Variants in MYH11 observed in about 807,000 individuals in gnomAD.
MYH11 encodes the protein myosin heavy chain 11.
Under a neutral mutation model 246.6 loss-of-function variants are expected in MYH11, and 80 were observed. The observed-to-expected ratio is 0.32, with a 90% CI of 0.27 to 0.39. The LOEUF is 0.39. MYH11 is among the 10% of genes least tolerant of loss of function. The pLI is 1.00. For missense variants in MYH11, 2,158 were observed against 2,546.8 expected (o/e 0.85, Z 3.29); for synonymous variants, 1,071 against 1,015.5 (o/e 1.05, Z -1.04).
intron 31 of MYH11, among the ~76,000 whole-genome samples, chr16:15,722,728 C>T (rs994987798): frequency 6.6e-6 from 1 of 152,134 alleles, no homozygotes; most frequent in Non-Finnish European, 1.5e-5. Flanking sequence ...CATTTAGCCT[C>T]ACTGTACAAT....
At chr16:15,753,356 T>A (rs1423130966) in intron 15 of MYH11, 38 bp downstream of exon 15, 2 of 1,584,416 alleles carry the variant, frequency 1.3e-6, no homozygotes, top group Admixed American at 3.3e-5. Context: ...ATTCTCCAGC[T>A]CAAAGCAGAA....
At chr16:15,753,557 A>G in intron 14 of MYH11, 49 bp from the exon 15 acceptor site, 2 of 1,472,262 alleles carry the variant, frequency 1.4e-6, no homozygotes, top group South Asian at 2.3e-5. Context: ...CTAGAAACTT[A>G]GAAACCAAGG....
chr16:15,839,785 C>G (rs1046452438), intron 1 of MYH11, among the ~76,000 whole-genome samples: 1 of 151,944 alleles, frequency 6.6e-6, no homozygotes, highest in African/African-American at 2.4e-5. Flanking sequence ...CACGGTGGCT[C>G]ACACCTGTAA....
chr16:15,781,281 T>A (rs1174299534), intron 6 of MYH11, among the ~76,000 whole-genome samples: 1 of 152,254 alleles, frequency 6.6e-6, no homozygotes, highest in East Asian at 1.9e-4. Flanking sequence ...TATGCTGATG[T>A]GTATTCATCT....
At chr16:15,731,890 A>C (rs1204741952) in intron 27 of MYH11, among the ~76,000 whole-genome samples, 2 of 151,862 alleles carry the variant, frequency 1.3e-5, no homozygotes, top group Non-Finnish European at 2.9e-5. Context: ...CCAGGCTCAA[A>C]CGATCCTCCC....
chr16:15,856,785 AG>A (rs2044483456), intron 1 of MYH11, among the ~76,000 whole-genome samples, 155 bp downstream of exon 1: 2 of 152,104 alleles, frequency 1.3e-5, no homozygotes, highest in African/African-American at 4.8e-5. Flanking sequence ...GATAAGGCAG[AG>A]AGAGATCCAA....
chr16:15,743,045 C>T (rs145111859), intron 20 of MYH11, among the ~76,000 whole-genome samples: 8 of 148,924 alleles, frequency 5.4e-5, no homozygotes, highest in Non-Finnish European at 7.4e-5. Context: ...CCAAAGCCAT[C>T]ATTTTAATAG....
intron 19 of MYH11, among the ~76,000 whole-genome samples, chr16:15,746,343 A>C (rs1347447593): frequency 6.6e-6 from 1 of 152,166 alleles, no homozygotes; most frequent in Non-Finnish European, 1.5e-5. Context: ...CAGTGAACGT[A>C]ATTCTGTCTT....
intron 1 of MYH11, among the ~76,000 whole-genome samples, chr16:15,852,657 T>G (rs575639842): frequency 6.6e-6 from 1 of 152,246 alleles, no homozygotes; most frequent in South Asian, 2.1e-4. Context: ...CTTTAGCCAG[T>G]CATTTGCAAT....
intron 2 of MYH11, among the ~76,000 whole-genome samples, chr16:15,835,135 T>G (rs1386387583): frequency 1.3e-5 from 2 of 151,282 alleles, no homozygotes; most frequent in Non-Finnish European, 2.9e-5. Context: ...ACCATTTGGC[T>G]CTTTAAAAAG....
At chr16:15,716,127 C>A (rs981706341) in intron 38 of MYH11, among the ~76,000 whole-genome samples, 1 of 151,958 alleles carries the variant, frequency 6.6e-6, no homozygotes, top group African/African-American at 2.4e-5. Context: ...AAAAGTCTTG[C>A]TATGCTGCCC....
At chr16:15,710,443 C>T (rs2039715122) in intron 40 of MYH11, among the ~76,000 whole-genome samples, 1 of 152,160 alleles carries the variant, frequency 6.6e-6, no homozygotes, top group Admixed American at 6.5e-5. Context: ...ATCGCTTGAA[C>T]CTGGGAGGCA....
At position 15,817,354 on chromosome 16, in the gene MYH11, T is replaced by G. The variant is rs573983318; in HGVS notation, c.502+5901A>C. On this transcript the variant is annotated intron_variant, in intron 3 of 40. Coordinates refer to ENST00000300036, the MANE Select transcript of MYH11 (RefSeq NM_002474.3). Reference sequence around the variant, plus strand: ...TAAAAATACAAAAATTAGCCAGGCATGGTGGTGTGTGCCTGTAGTCCCAGC... The same window carrying G: ...TAAAAATACAAAAATTAGCCAGGCAGGGTGGTGTGTGCCTGTAGTCCCAGC... Among the ~76,000 whole-genome samples the G allele has an allele frequency of 4.3e-4, 66 of 152,022 alleles. 1 individual carries two copies. In the South Asian group the frequency reaches 0.014, roughly 31 times the overall value.
intron 2 of MYH11, among the ~76,000 whole-genome samples, chr16:15,829,933 G>A (rs764299919): frequency 9.2e-5 from 14 of 152,104 alleles, no homozygotes; most frequent in Non-Finnish European, 1.9e-4. Flanking sequence ...TCAAGAGTTC[G>A]AGACCAGCCC....
chr16:15,795,795 C>T (rs1318042147), intron 4 of MYH11, among the ~76,000 whole-genome samples: 1 of 152,178 alleles, frequency 6.6e-6, no homozygotes, highest in Non-Finnish European at 1.5e-5. Flanking sequence ...CTTCCAACAA[C>T]CCAATGGGGT....
In MYH11 at chr16:15,703,904, T is replaced by G; in HGVS notation, c.*87A>C. 1 of 1,582,646 alleles carries G rather than the reference T, an allele frequency of 6.3e-7. No individual in the cohort carries two copies. The highest frequency in any genetic ancestry group is 8.7e-7 in the Non-Finnish European group (1 of 1,153,684). Reference sequence around the variant, plus strand: ...CTAAGTACAGTCTGCTGGGTTTTGCTTTGTTCTGGGTTGTTGTTGGGTTTT... The same window carrying G: ...CTAAGTACAGTCTGCTGGGTTTTGCGTTGTTCTGGGTTGTTGTTGGGTTTT... On this transcript the variant is annotated 3_prime_UTR_variant, in exon 41 of 41. Coordinates refer to ENST00000300036, the MANE Select transcript of MYH11 (RefSeq NM_002474.3).
rs1375279466 is a variant in MYH11 at position 15,724,910 on chromosome 16, C to G, written c.3941G>C (p.Ser1314Thr). The G allele has an allele frequency of 6.2e-7, 1 of 1,614,058 alleles. No homozygotes were observed. Among genetic ancestry groups the G allele is most frequent in the Non-Finnish European group, 8.5e-7 (1 of 1,180,050 alleles). The change falls in exon 29 of 41, where the codon AGT (serine) becomes ACT (threonine). Residue 1314 changes from serine (S) to threonine (T), a missense_variant. Physicochemically the swap from Ser to Thr is moderately conservative, Grantham distance 58. This residue lies in a region of MYH11 where 1,013 missense variants were observed against 993.5 expected (regional missense o/e 1.02). Transcript: ENST00000300036. ...CACCTGGGTGTCCTGGAGCTGGGAA[C>G]TGAGGGACGCCACGTCCTTGGCCAG... ...IKLAKDVASL[S>T]SQLQDTQELL...
chr16:15,821,346 G>A (rs1273184989), intron 3 of MYH11, among the ~76,000 whole-genome samples: 1 of 152,174 alleles, frequency 6.6e-6, no homozygotes, highest in Non-Finnish European at 1.5e-5. Context: ...TTCAGTTAGT[G>A]TAATGAAAGG....
chr16:15,743,653 C>T (rs114522245), intron 20 of MYH11, among the ~76,000 whole-genome samples: 135 of 152,286 alleles, frequency 8.9e-4, no homozygotes, highest in African/African-American at 3.1e-3. Flanking sequence ...TCACAGTTTG[C>T]CATTATGTAT....
Sources: allele counts gnomAD v4.1 joint callset (sites outside exome capture counted in the v4.1 genomes callset), GRCh38; gene constraint gnomAD v4.1.1; regional missense constraint gnomAD v4.1.1; transcripts MANE v1.5; gene names NCBI Gene and HGNC (gene_info 2026-07-23, HGNC 2026-07-21).